The following MYCT1 variants were observed in gnomAD, a reference collection of about 807,000 sequenced individuals.
MYCT1 encodes myc target protein 1.
A neutral mutation model predicts 15.0 loss-of-function variants in MYCT1; 12 were observed. That is an observed-to-expected ratio of 0.80 (90% confidence interval 0.51 to 1.29). MYCT1 has a LOEUF of 1.29. Ranked by LOEUF, MYCT1 falls within the 50% of genes most tolerant of loss-of-function variation. The pLI is 0.00. For synonymous variants in MYCT1, 104 were observed against 102.7 expected, an observed-to-expected ratio of 1.01 and a Z score of -0.07; for missense variants, 287 against 279.1, an observed-to-expected ratio of 1.03 and a Z score of -0.20.
chr6:152,741,584 T>A, the MYCT1 span, among the ~76,000 whole-genome samples: 1 of 152,082 alleles, frequency 6.6e-6, no homozygotes, highest in African/African-American at 2.4e-5. Flanking sequence ...AAAATACAGA[T>A]AAAATGCAAT....
At chr6:152,720,491 A>G (rs1303462462) in intron 1 of MYCT1, among the ~76,000 whole-genome samples, 2 of 152,148 alleles carry the variant, frequency 1.3e-5, no homozygotes, top group Non-Finnish European at 2.9e-5. Context: ...CTCTCAATAC[A>G]GACTACCTAC....
At chr6:152,733,016 T>G in the MYCT1 span, among the ~76,000 whole-genome samples, 1 of 152,228 alleles carries the variant, frequency 6.6e-6, no homozygotes, top group African/African-American at 2.4e-5. Flanking sequence ...CTTTTCCCTA[T>G]AGACACTTCA....
In MYCT1 at chr6:152,722,167, T is replaced by C; in HGVS notation, c.622T>C (p.Trp208Arg). ...TSHSLSRPDY[W>R]SSNSLRVGLS... Reference sequence around the variant, plus strand: ...CCACAGTCTGAGCCGTCCTGACTACTGGTCCAGTAACAGTCTTCGAGTGGG... The same window carrying C: ...CCACAGTCTGAGCCGTCCTGACTACCGGTCCAGTAACAGTCTTCGAGTGGG... The change falls in exon 2 of 2, where the codon TGG becomes CGG. Residue 208 changes from tryptophan to arginine, a missense_variant. Physicochemically the swap from Trp to Arg is moderately radical, Grantham distance 101 (BLOSUM62 -3). Transcript: ENST00000367245. 2 of 1,614,218 alleles carry C rather than the reference T, an allele frequency of 1.2e-6. No individual in the cohort carries two copies. The highest frequency in any genetic ancestry group is 8.5e-7 in the Non-Finnish European group (1 of 1,180,034).
At chr6:152,743,483 T>C in the MYCT1 span, among the ~76,000 whole-genome samples, 1 of 152,176 alleles carries the variant, frequency 6.6e-6, no homozygotes, top group Non-Finnish European at 1.5e-5. Flanking sequence ...TGGTTGTCAT[T>C]TGGGGTAAGA....
In MYCT1 at chr6:152,722,825, A is replaced by G. The variant is rs949688332; in HGVS notation, c.*572A>G. The G allele has an allele frequency of 1.2e-5, 4 of 338,348 alleles. No homozygotes were observed. The highest frequency in any genetic ancestry group is 6.5e-5 in the African/African-American group (3 of 45,980). The allele number at this position is 338,348 out of a possible 1,614,324, so 21.0% of individuals were successfully genotyped here. On this transcript the variant is annotated 3_prime_UTR_variant, in exon 2 of 2. Transcript: ENST00000367245. ...ATGATCAGGACTCACTGCAGCCTCT[A>G]TCTCCCAGGCTCAAGTAATCCTCCC...
chr6:152,721,208 G>T (rs1037057650), intron 1 of MYCT1, among the ~76,000 whole-genome samples: 3 of 152,142 alleles, frequency 2.0e-5, no homozygotes, highest in African/African-American at 7.2e-5. Context: ...CTGGCCAGAT[G>T]GTTCTATCCC....
rs1433698059 is a variant in MYCT1 at position 152,724,078 on chromosome 6, A to G, written c.*1825A>G. 6.6e-6 allele frequency: 1 copy of G among 152,162 alleles called. No individual in the cohort carries two copies. Among genetic ancestry groups the G allele is most frequent in the African/African-American group, 2.4e-5 (1 of 41,436 alleles). The allele number at this position is 152,162 out of a possible 1,614,324, so 9.4% of individuals were successfully genotyped here. A position where few individuals can be genotyped will look rare whatever the true frequency, so the allele number is the denominator to read the frequency against. ...AATGTTCTCTAATTAAACATGCCAAAAGGAAAAAGTAAGAGAAAGAGGGAG... is the reference window on the plus strand; with the variant it reads ...AATGTTCTCTAATTAAACATGCCAAGAGGAAAAAGTAAGAGAAAGAGGGAG... On this transcript the variant is annotated 3_prime_UTR_variant, in exon 2 of 2. Coordinates refer to ENST00000367245, the MANE Select transcript of MYCT1 (RefSeq NM_025107.3).
At chr6:152,715,536 G>T (rs2099723478) in intron 1 of MYCT1, among the ~76,000 whole-genome samples, 1 of 147,756 alleles carries the variant, frequency 6.8e-6, no homozygotes, top group Admixed American at 7.0e-5. Flanking sequence ...GACATTTTCA[G>T]CTCATAATGG....
intron 1 of MYCT1, among the ~76,000 whole-genome samples, chr6:152,713,496 A>G (rs564619376): frequency 3.2e-4 from 48 of 152,218 alleles, no homozygotes; most frequent in Non-Finnish European, 6.6e-4. Context: ...GGATTCTGCT[A>G]TATTACCCTG....
the MYCT1 span, among the ~76,000 whole-genome samples, chr6:152,737,544 C>T: frequency 1.3e-5 from 2 of 152,026 alleles, no homozygotes; most frequent in Non-Finnish European, 2.9e-5. Flanking sequence ...ACTATGCTCC[C>T]TCTATGTACA....
intron 1 of MYCT1, among the ~76,000 whole-genome samples, chr6:152,715,876 T>C (rs1452639540): frequency 1.3e-5 from 2 of 151,508 alleles, no homozygotes; most frequent in African/African-American, 4.9e-5. Flanking sequence ...AAAGGAAGAG[T>C]AGAGGAGATG....
downstream of MYCT1, among the ~76,000 whole-genome samples, chr6:152,728,150 T>G: frequency 7.0e-6 from 1 of 142,454 alleles, no homozygotes; most frequent in African/African-American, 2.6e-5. Flanking sequence ...GGCAACAGAG[T>G]GAGCCTCTGT....
chr6:152,737,243 GT>G, the MYCT1 span, among the ~76,000 whole-genome samples: 305 of 147,056 alleles, frequency 2.1e-3, 2 homozygotes, highest in African/African-American at 4.2e-3. Flanking sequence ...TAAATTAAAA[GT>G]TTTTTTTTTT....
chr6:152,738,796 T>C, the MYCT1 span, among the ~76,000 whole-genome samples: 1 of 152,130 alleles, frequency 6.6e-6, no homozygotes, highest in Admixed American at 6.5e-5. Flanking sequence ...GAGACATTAC[T>C]GTTTTAATGG....
Position 152,722,158 on chromosome 6 carries a change from C to G in MYCT1, c.613C>G (p.Pro205Ala), listed in dbSNP as rs2099724830. ...TISTSHSLSRPDYWSSNSLRV... is the reference protein window; with the variant it reads ...TISTSHSLSRADYWSSNSLRV... ...CAGCACTTCCCACAGTCTGAGCCGT[C>G]CTGACTACTGGTCCAGTAACAGTCT... The change falls in exon 2 of 2, where the codon CCT (proline) becomes GCT (alanine). Residue 205 changes from proline (P) to alanine (A), a missense_variant. Physicochemically the swap from Pro to Ala is conservative, Grantham distance 27. Coordinates refer to ENST00000367245, the MANE Select transcript of MYCT1 (RefSeq NM_025107.3). 6.2e-7 allele frequency: 1 copy of G among 1,614,180 alleles called. No homozygotes were observed.
At chr6:152,735,024 G>T in the MYCT1 span, among the ~76,000 whole-genome samples, 26 of 152,160 alleles carry the variant, frequency 1.7e-4, no homozygotes, top group African/African-American at 5.8e-4. Context: ...ATGCTTATGA[G>T]GTAATGCTGC....
chr6:152,731,744 C>T, the MYCT1 span, among the ~76,000 whole-genome samples: 1 of 116,660 alleles, frequency 8.6e-6, no homozygotes, highest in Non-Finnish European at 1.9e-5. Context: ...CATCAGAGAA[C>T]GCCATTTTTT....
At chr6:152,725,898 C>T (rs2099725570), downstream of MYCT1, among the ~76,000 whole-genome samples, 1 of 152,068 alleles carries the variant, frequency 6.6e-6, no homozygotes, top group Non-Finnish European at 1.5e-5. Context: ...CTAGATCTTC[C>T]CTGCTTTGTG....
the MYCT1 span, among the ~76,000 whole-genome samples, chr6:152,744,741 C>T: frequency 6.6e-6 from 1 of 152,170 alleles, no homozygotes; most frequent in Non-Finnish European, 1.5e-5. Context: ...AGCCAGCAGC[C>T]AGAGGACCAG....
Sources: gnomAD v4.1 joint callset for allele counts (sites outside exome capture counted in the v4.1 genomes callset) on GRCh38, gnomAD v4.1.1 for gene constraint, MANE v1.5 for transcripts, NCBI Gene and HGNC (gene_info 2026-07-23, HGNC 2026-07-21) for gene names.